Variants in PPP1R12A observed in about 807,000 individuals in gnomAD.
PPP1R12A encodes the protein myosin binding subunit.
A neutral mutation model predicts 139.6 loss-of-function variants in PPP1R12A; 19 were observed. The observed-to-expected ratio is 0.14, with a 90% CI of 0.09 to 0.20. The LOEUF is 0.20. PPP1R12A is among the 10% of genes least tolerant of loss of function. The probability of loss-of-function intolerance (pLI) is 1.00; values close to 1 mark genes in which losing one functional copy is unlikely to be tolerated. For synonymous variants in PPP1R12A, 427 were observed against 420.6 expected, an observed-to-expected ratio of 1.02 and a Z score of -0.19; for missense variants, 925 against 1,211.5, an observed-to-expected ratio of 0.76 and a Z score of 3.51.
intron 1 of PPP1R12A, among the ~76,000 whole-genome samples, chr12:79,910,579 G>C (rs1424478213): frequency 6.6e-6 from 1 of 151,256 alleles, no homozygotes; most frequent in Non-Finnish European, 1.5e-5. Context: ...TCTTATAAGA[G>C]CTATGTAAAA....
At chr12:79,880,998 T>C (rs1294739740) in intron 1 of PPP1R12A, among the ~76,000 whole-genome samples, 4 of 152,170 alleles carry the variant, frequency 2.6e-5, no homozygotes, top group Non-Finnish European at 5.9e-5. Flanking sequence ...TGGGGCGCCA[T>C]GAACCATATT....
intron 1 of PPP1R12A, among the ~76,000 whole-genome samples, chr12:79,892,331 A>G (rs1258729919): frequency 6.6e-6 from 1 of 152,202 alleles, no homozygotes; most frequent in East Asian, 1.9e-4. Context: ...ATAACTTGAG[A>G]ACCAAAAAAT....
At chr12:79,915,705 T>G (rs950510589) in intron 1 of PPP1R12A, among the ~76,000 whole-genome samples, 4 of 152,140 alleles carry the variant, frequency 2.6e-5, no homozygotes, top group African/African-American at 7.2e-5. Context: ...CTCTCTCAGC[T>G]CCTACAACTT....
intron 8 of PPP1R12A, chr12:79,818,967 GC>G (rs1875744925): frequency 6.6e-6 from 1 of 152,168 alleles, no homozygotes; most frequent in East Asian, 1.9e-4. Flanking sequence ...GTATGATAAA[GC>G]CTAGCTGATA....
chr12:79,849,285 G>A (rs1879771405), intron 2 of PPP1R12A, among the ~76,000 whole-genome samples: 1 of 152,044 alleles, frequency 6.6e-6, no homozygotes, highest in Admixed American at 6.6e-5. Flanking sequence ...CTACTTGGAG[G>A]CTAAGACAGG....
intron 1 of PPP1R12A, among the ~76,000 whole-genome samples, chr12:79,911,529 C>A (rs1300193401): frequency 1.3e-5 from 2 of 152,254 alleles, no homozygotes; most frequent in Admixed American, 1.3e-4. Flanking sequence ...ATAATCTGTA[C>A]ACCAAACCCC....
chr12:79,905,504 T>C (rs1455945225), intron 1 of PPP1R12A, among the ~76,000 whole-genome samples: 2 of 152,176 alleles, frequency 1.3e-5, no homozygotes, highest in Non-Finnish European at 2.9e-5. Context: ...CAGAAGGATT[T>C]AAACCTAAGA....
intron 13 of PPP1R12A, 165 bp from the exon 14 acceptor site, chr12:79,805,933 A>G: frequency 2.1e-6 from 2 of 937,522 alleles, no homozygotes; most frequent in Non-Finnish European, 3.1e-6. Context: ...CAGAGTTGTC[A>G]AAGAGAGAAA....
chr12:79,926,192 AT>A (rs1270040054), intron 1 of PPP1R12A, among the ~76,000 whole-genome samples: 5 of 151,912 alleles, frequency 3.3e-5, no homozygotes, highest in Admixed American at 1.3e-4. Flanking sequence ...CATCCCAATA[AT>A]TTTTTTCTTT....
chr12:79,899,299 T>C (rs1885427712), intron 1 of PPP1R12A, among the ~76,000 whole-genome samples: 1 of 149,854 alleles, frequency 6.7e-6, no homozygotes, highest in Non-Finnish European at 1.5e-5. Context: ...GTCTTATCAA[T>C]GCATAAACCA....
chr12:79,928,235 G>GCT (rs759079154), intron 1 of PPP1R12A, among the ~76,000 whole-genome samples: 8 of 152,136 alleles, frequency 5.3e-5, no homozygotes, highest in Non-Finnish European at 1.0e-4. Context: ...TCATACTGTA[G>GCT]CTGAGGCACA....
chr12:79,929,777 A>G (rs929473988), intron 1 of PPP1R12A, among the ~76,000 whole-genome samples: 16 of 152,176 alleles, frequency 1.1e-4, no homozygotes, highest in African/African-American at 2.9e-4. Context: ...TCAAAAAAAA[A>G]AAAAGATTTT....
intron 12 of PPP1R12A, 102 bp downstream of exon 12, chr12:79,807,122 AAC>A: frequency 3.2e-6 from 2 of 616,442 alleles, no homozygotes; most frequent in Admixed American, 7.0e-5. Context: ...ATTTAATAAA[AAC>A]ACATATTTGT....
intron 15 of PPP1R12A, 133 bp from the exon 16 acceptor site, chr12:79,797,528 G>T (rs1872625941): frequency 3.7e-6 from 3 of 816,732 alleles, no homozygotes; most frequent in Non-Finnish European, 5.6e-6. Flanking sequence ...GTTTGCAAAT[G>T]GAAACAGCAA....
At chr12:79,827,566 A>G (rs1253085742) in intron 5 of PPP1R12A, among the ~76,000 whole-genome samples, 1 of 152,286 alleles carries the variant, frequency 6.6e-6, no homozygotes, top group Admixed American at 6.5e-5. Context: ...GGAAGAGACT[A>G]GCAGGAATAC....
chr12:79,791,983 T>C (rs1160728436), intron 19 of PPP1R12A, among the ~76,000 whole-genome samples: 1 of 152,130 alleles, frequency 6.6e-6, no homozygotes, highest in Non-Finnish European at 1.5e-5. Context: ...AGTAAAAATA[T>C]CTTTTTAAAG....
chr12:79,820,955 A>T, intron 7 of PPP1R12A, 24 bp from the exon 8 acceptor site: 1 of 1,610,640 alleles, frequency 6.2e-7, no homozygotes. Flanking sequence ...ACAGTGTTCA[A>T]ATGATTAGAA....
chr12:79,869,809 C>G (rs947337398), intron 2 of PPP1R12A, among the ~76,000 whole-genome samples: 1 of 152,034 alleles, frequency 6.6e-6, no homozygotes, highest in South Asian at 2.1e-4. Context: ...AATGGCAGAA[C>G]TAGGATTTGC....
chr12:79,861,317 A>T (rs1208239776), intron 2 of PPP1R12A, among the ~76,000 whole-genome samples: 1 of 152,222 alleles, frequency 6.6e-6, no homozygotes, highest in Non-Finnish European at 1.5e-5. Context: ...ACTGAAACAC[A>T]TCAATATGTT....
Sources: allele counts gnomAD v4.1 joint callset (sites outside exome capture counted in the v4.1 genomes callset), GRCh38; gene constraint gnomAD v4.1.1; transcripts MANE v1.5; gene names NCBI Gene and HGNC (gene_info 2026-07-23, HGNC 2026-07-21).